HCN1: variants seen among roughly 807,000 people sequenced by gnomAD.
HCN1 encodes the protein potassium/sodium hyperpolarization-activated cyclic nucleotide-gated channel 1.
HCN1 carries 13 observed loss-of-function variants against 78.9 expected under a neutral mutation model. That is an observed-to-expected ratio of 0.16 (90% CI 0.11 to 0.26). HCN1 has a LOEUF of 0.26. HCN1 is among the 10% of genes least tolerant of loss of function. The probability of loss-of-function intolerance (pLI) is 1.00; values close to 1 mark genes in which losing one functional copy is unlikely to be tolerated. For missense variants in HCN1, 810 were observed against 1,154.3 expected, an observed-to-expected ratio of 0.70 and a Z score of 4.32; for synonymous variants, 552 against 455.5, an observed-to-expected ratio of 1.21 and a Z score of -2.70.
intron 3 of HCN1, among the ~76,000 whole-genome samples, chr5:45,406,011 C>T (rs1312767546): frequency 6.6e-6 from 1 of 151,938 alleles, no homozygotes; most frequent in Non-Finnish European, 1.5e-5. Flanking sequence ...TGCTTGATAT[C>T]ACAGATTTTT....
Position 45,259,998 on chromosome 5 carries a change from G to A in HCN1, c.*1923C>T, listed in dbSNP as rs1481113363. ...AGCATATTGATGATTACATTACATC[G>A]ACTAGCAGTTAATTACTTCCACACC... is the stretch of plus-strand genomic sequence containing the variant. On this transcript the variant is annotated 3_prime_UTR_variant, in exon 8 of 8. Coordinates refer to ENST00000303230, the MANE Select transcript of HCN1 (RefSeq NM_021072.4). The A allele has an allele frequency of 6.6e-6, 1 of 152,432 alleles. No homozygotes were observed. The highest frequency in any genetic ancestry group is 2.4e-5 in the African/African-American group (1 of 41,398). 9.4% of individuals were successfully genotyped at this position (152,432 alleles called of 1,614,324 possible).
At chr5:45,638,940 C>T (rs1215127425) in intron 2 of HCN1, among the ~76,000 whole-genome samples, 2 of 152,108 alleles carry the variant, frequency 1.3e-5, no homozygotes, top group Admixed American at 6.6e-5. Flanking sequence ...TTACATTGTA[C>T]ATTAAAACTT....
chr5:45,607,062 T>C (rs908161513), intron 2 of HCN1, among the ~76,000 whole-genome samples: 2 of 151,738 alleles, frequency 1.3e-5, no homozygotes, highest in African/African-American at 2.4e-5. Flanking sequence ...AATTACCATA[T>C]GAAATAAGCC....
intron 2 of HCN1, chr5:45,642,729 T>A (rs1415458567): frequency 6.6e-6 from 1 of 152,178 alleles, no homozygotes; most frequent in African/African-American, 2.4e-5. Flanking sequence ...AAACACATCC[T>A]GGTGACATTT....
At chr5:45,391,836 G>A (rs1281800232) in intron 4 of HCN1, among the ~76,000 whole-genome samples, 1 of 152,096 alleles carries the variant, frequency 6.6e-6, no homozygotes, top group African/African-American at 2.4e-5. Context: ...TACTCCCTCT[G>A]GACAGAGAGA....
At chr5:45,656,335 G>C (rs1036870944) in intron 1 of HCN1, among the ~76,000 whole-genome samples, 6 of 152,118 alleles carry the variant, frequency 3.9e-5, no homozygotes, top group Non-Finnish European at 7.4e-5. Flanking sequence ...TAATCCTCAA[G>C]AAAACATGAA....
intron 5 of HCN1, among the ~76,000 whole-genome samples, chr5:45,335,151 C>G (rs1043035984): frequency 1.3e-5 from 2 of 151,920 alleles, no homozygotes; most frequent in Non-Finnish European, 2.9e-5. Context: ...AAAAATAGAT[C>G]AGTTCTGAAC....
At chr5:45,330,574 G>A (rs1313265529) in intron 5 of HCN1, among the ~76,000 whole-genome samples, 1 of 150,454 alleles carries the variant, frequency 6.6e-6, no homozygotes, top group Non-Finnish European at 1.5e-5. Flanking sequence ...AATTAAAAAT[G>A]CAGCATTAGA....
chr5:45,578,024 T>C (rs570058020), intron 2 of HCN1, among the ~76,000 whole-genome samples: 1 of 152,164 alleles, frequency 6.6e-6, no homozygotes, highest in South Asian at 2.1e-4. Flanking sequence ...CTTACAAACC[T>C]AGCTTACTAT....
chr5:45,424,058 G>A (rs1261916984), intron 3 of HCN1, among the ~76,000 whole-genome samples: 1 of 146,336 alleles, frequency 6.8e-6, no homozygotes, highest in East Asian at 2.0e-4. Flanking sequence ...GGCGGATCAC[G>A]AGGTCAGGAA....
chr5:45,333,937 CTTAA>C (rs955400436), intron 5 of HCN1, among the ~76,000 whole-genome samples: 1 of 151,732 alleles, frequency 6.6e-6, no homozygotes, highest in African/African-American at 2.4e-5. Flanking sequence ...GGTATCTAAT[CTTAA>C]TTACGTTAAT....
intron 1 of HCN1, among the ~76,000 whole-genome samples, chr5:45,678,995 T>C (rs1320485426): frequency 2.0e-5 from 3 of 151,942 alleles, no homozygotes; most frequent in Admixed American, 6.6e-5. Context: ...CTGGAGAATA[T>C]CACCTAAATA....
chr5:45,267,352 A>C (rs535045509), intron 6 of HCN1, 99 bp from the exon 7 acceptor site: 49 of 1,054,106 alleles, frequency 4.6e-5, no homozygotes, highest in Middle Eastern at 2.1e-4. Flanking sequence ...CATGGTGTGA[A>C]AAAACAATTA....
At chr5:45,270,817 AT>A (rs1744947040) in intron 6 of HCN1, among the ~76,000 whole-genome samples, 1 of 152,154 alleles carries the variant, frequency 6.6e-6, no homozygotes, top group Admixed American at 6.5e-5. Flanking sequence ...GAATATAGCT[AT>A]TCTCAGTATG....
intron 3 of HCN1, among the ~76,000 whole-genome samples, chr5:45,433,967 T>C (rs2112079815): frequency 6.6e-6 from 1 of 152,226 alleles, no homozygotes; most frequent in South Asian, 2.1e-4. Flanking sequence ...TTAACTAATG[T>C]GATTTAAGGA....
At chr5:45,509,381 C>G (rs1458030532) in intron 2 of HCN1, among the ~76,000 whole-genome samples, 1 of 151,940 alleles carries the variant, frequency 6.6e-6, no homozygotes, top group Non-Finnish European at 1.5e-5. Context: ...TGCTCACAGG[C>G]TGAGGAGGAG....
At chr5:45,418,832 A>T (rs1374495292) in intron 3 of HCN1, among the ~76,000 whole-genome samples, 1 of 152,284 alleles carries the variant, frequency 6.6e-6, no homozygotes, top group East Asian at 1.9e-4. Context: ...GCCTCTCTGT[A>T]AGAATATTTT....
intron 2 of HCN1, among the ~76,000 whole-genome samples, chr5:45,537,068 T>A (rs1276199240): frequency 6.6e-6 from 1 of 152,204 alleles, no homozygotes; most frequent in African/African-American, 2.4e-5. Flanking sequence ...GGATTTGCCT[T>A]TAAATTTGTG....
chr5:45,452,592 G>C (rs1740947346), intron 3 of HCN1, among the ~76,000 whole-genome samples: 1 of 151,806 alleles, frequency 6.6e-6, no homozygotes, highest in South Asian at 2.1e-4. Flanking sequence ...ACTGTCTGTT[G>C]TTCCCTAAAA....
Sources: gnomAD v4.1 joint callset for allele counts (sites outside exome capture counted in the v4.1 genomes callset) on GRCh38, gnomAD v4.1.1 for gene constraint, MANE v1.5 for transcripts, NCBI Gene and HGNC (gene_info 2026-07-23, HGNC 2026-07-21) for gene names.